Variants in STON2 observed in about 807,000 individuals in gnomAD.
STON2 encodes stonin-2.
Under a neutral mutation model 65.7 loss-of-function variants are expected in STON2, and 29 were observed. The observed-to-expected ratio is 0.44, with a 90% CI of 0.33 to 0.60. The LOEUF is 0.60. Ranked by LOEUF, STON2 falls within the 20% of genes least tolerant of loss-of-function variation. The probability of loss-of-function intolerance (pLI) is 0.03; values close to 1 mark genes in which losing one functional copy is unlikely to be tolerated. For synonymous variants in STON2, 404 were observed against 414.2 expected (o/e 0.98, Z 0.30); for missense variants, 1,054 against 1,118.1 (o/e 0.94, Z 0.82).
In STON2 at chr14:81,417,751, T is replaced by C. The variant is rs77726674; in HGVS notation, c.-199+9351A>G. On this transcript the variant is annotated intron_variant, in intron 2 of 8. Coordinates refer to the STON2 transcript ENST00000553821. ...CAAAGTATGCAGCCAAGGGAATGAA[T>C]AGGTTATCAACAGGGGAAGTAAAAA... 3.6e-3 allele frequency among the ~76,000 whole-genome samples: 546 copies of C among 152,232 alleles called. 3 individuals are homozygous for C. Among genetic ancestry groups the C allele is most frequent in the African/African-American group, 8.3e-3 (343 of 41,540 alleles).
At chr14:81,315,927 C>T (rs1896601728) in intron 5 of STON2, among the ~76,000 whole-genome samples, 1 of 152,160 alleles carries the variant, frequency 6.6e-6, no homozygotes, top group South Asian at 2.1e-4. Flanking sequence ...AAGGTAACAA[C>T]CTATCCAAGA....
intron 4 of STON2, among the ~76,000 whole-genome samples, chr14:81,343,305 G>A (rs918586931): frequency 2.6e-5 from 4 of 152,094 alleles, no homozygotes; most frequent in Non-Finnish European, 5.9e-5. Context: ...AAGTCTCCTG[G>A]GATACATTCT....
At chr14:81,429,328 CA>C (rs1902130253) in intron 1 of STON2, among the ~76,000 whole-genome samples, 1 of 152,242 alleles carries the variant, frequency 6.6e-6, no homozygotes, top group Admixed American at 6.5e-5. Context: ...TGACTTTCAA[CA>C]AGTCATTTGA....
chr14:81,330,445 T>C (rs553548597), intron 4 of STON2, among the ~76,000 whole-genome samples: 55 of 152,286 alleles, frequency 3.6e-4, no homozygotes, highest in Non-Finnish European at 6.2e-4. Flanking sequence ...CTTTTTTTTT[T>C]TCTTAAAATG....
chr14:81,350,625 C>A (rs758051681), intron 4 of STON2, among the ~76,000 whole-genome samples: 1 of 152,040 alleles, frequency 6.6e-6, no homozygotes, highest in Non-Finnish European at 1.5e-5. Context: ...TACTTCTAGG[C>A]CTTGGCTTTC....
At chr14:81,354,097 C>A (rs2140322324) in intron 4 of STON2, among the ~76,000 whole-genome samples, 1 of 152,328 alleles carries the variant, frequency 6.6e-6, no homozygotes, top group Non-Finnish European at 1.5e-5. Context: ...CTCCTGCAAC[C>A]CTGTCTAGCT....
At chr14:81,403,752 T>C (rs981086674), upstream of STON2, among the ~76,000 whole-genome samples, 36 of 152,310 alleles carry the variant, frequency 2.4e-4, no homozygotes, top group African/African-American at 7.9e-4. Context: ...TACCCTTGAA[T>C]AGACTTCTTT....
At position 81,308,645 on chromosome 14, in the gene STON2, C is replaced by A. The variant is rs559954593; in HGVS notation, c.742+15372G>T. Among the ~76,000 whole-genome samples the A allele has an allele frequency of 2.6e-5, 4 of 151,758 alleles. No homozygotes were observed. The East Asian group carries it at 7.8e-4, about 29-fold the overall frequency. On this transcript the variant is annotated intron_variant, in intron 5 of 7. Coordinates refer to ENST00000614646, the MANE Select transcript of STON2 (RefSeq NM_001394390.1). ...ACTCATGCTACAACTCTACGTCCAT[C>A]CCTAATAACCCATGGGCAGGGGAGG...
intron 5 of STON2, among the ~76,000 whole-genome samples, chr14:81,289,311 G>A (rs1895462003): frequency 6.6e-6 from 1 of 152,108 alleles, no homozygotes; most frequent in South Asian, 2.1e-4. Context: ...TGATTCTCAG[G>A]TCCTGGAATT....
Position 81,299,119 on chromosome 14 carries a change from T to C in STON2, c.743-20380A>G, listed in dbSNP as rs564192846. On this transcript the variant is annotated intron_variant, in intron 5 of 7. Transcript: ENST00000614646. ...GCTCAGATCAAGTGACACCAAACTGTATTTGGTACTAGAATCATGGTGGTC... is the reference window on the plus strand; with the variant it reads ...GCTCAGATCAAGTGACACCAAACTGCATTTGGTACTAGAATCATGGTGGTC... 5.9e-5 allele frequency among the ~76,000 whole-genome samples: 9 copies of C among 152,292 alleles called. No individual in the cohort carries two copies. In the East Asian group the frequency reaches 1.7e-3, roughly 29 times the overall value.
chr14:81,409,975 A>G lies in STON2; in HGVS notation c.-198-11395T>C, dbSNP rs1250879169. Among the ~76,000 whole-genome samples the G allele has an allele frequency of 2.6e-5, 4 of 152,226 alleles. No individual in the cohort carries two copies. In the East Asian group the frequency reaches 5.8e-4, roughly 22 times the overall value. On this transcript the variant is annotated intron_variant, in intron 2 of 8. Transcript: ENST00000553821. ...ATATAGTTCTAAAATATAGTTCTAA[A>G]AAGTATTTTTTATCTTTGTTTTGTT...
At chr14:81,291,333 C>A (rs776162610) in intron 5 of STON2, among the ~76,000 whole-genome samples, 7 of 152,140 alleles carry the variant, frequency 4.6e-5, no homozygotes, top group Non-Finnish European at 1.0e-4. Flanking sequence ...CAAAGAAGTA[C>A]AGGAATTCAC....
chr14:81,410,306 A>AAAAAAAC (rs1901093294), intron 2 of STON2, among the ~76,000 whole-genome samples: 1 of 141,856 alleles, frequency 7.0e-6, no homozygotes, highest in Non-Finnish European at 1.5e-5. Context: ...AAAAAAAAAA[A>AAAAAAAC]ACAGAAGAGA....
chr14:81,340,154 AAAAT>A (rs889563946), intron 4 of STON2, among the ~76,000 whole-genome samples: 1 of 152,194 alleles, frequency 6.6e-6, no homozygotes, highest in Non-Finnish European at 1.5e-5. Context: ...ACTCCGTCTC[AAAAT>A]AAATAAATAA....
intron 5 of STON2, among the ~76,000 whole-genome samples, chr14:81,318,513 T>C (rs933009529): frequency 8.5e-5 from 13 of 152,218 alleles, no homozygotes; most frequent in African/African-American, 2.7e-4. Context: ...CTCTTCTCCA[T>C]ATCCATGCCC....
intron 2 of STON2, among the ~76,000 whole-genome samples, chr14:81,405,805 G>A (rs889675388): frequency 6.6e-6 from 1 of 152,148 alleles, no homozygotes; most frequent in African/African-American, 2.4e-5. Flanking sequence ...TTGGACTGAA[G>A]GATGCAAAGT....
In STON2 at chr14:81,264,910, A is replaced by C. The variant is rs1029237061; in HGVS notation, c.*3504T>G. ...CTGACATGTCATGAGTACATTTCTT[A>C]TCTTTTTGCTGTAAAGTCAAAAAGC... On this transcript the variant is annotated 3_prime_UTR_variant, in exon 8 of 8. Transcript: ENST00000614646. 14 of 985,324 alleles carry C rather than the reference A, an allele frequency of 1.4e-5. No individual in the cohort carries two copies. In the African/African-American group the frequency reaches 2.3e-4, roughly 16 times the overall value. 61.0% of individuals were successfully genotyped at this position (985,324 alleles called of 1,614,324 possible).
intron 1 of STON2, among the ~76,000 whole-genome samples, 197 bp from the exon 2 acceptor site, chr14:81,398,777 T>C (rs990359884): frequency 6.6e-6 from 1 of 152,232 alleles, no homozygotes; most frequent in Non-Finnish European, 1.5e-5. Flanking sequence ...GGTTTCTAGA[T>C]AAGCCTTCAT....
rs1456709933 is a variant in STON2, at chr14:81,277,408, T to C, written c.2074A>G (p.Thr692Ala). ...IVLRQDIMPT[T>A]TTKWIKLHEC... ...TGGAGCTTGATCCACTTTGTGGTGG[T>C]GGTGGGCATGATGTCCTGCCTCAAA... The change falls in exon 6 of 8, where the codon ACC (threonine) becomes GCC (alanine). Residue 692 changes from threonine to alanine, a missense_variant. Physicochemically the swap from Thr to Ala is moderately conservative, Grantham distance 58 (BLOSUM62 0). Transcript: ENST00000614646. 1 of 1,614,152 alleles carries C rather than the reference T, an allele frequency of 6.2e-7. No homozygotes were observed. The highest frequency in any genetic ancestry group is 1.7e-5 in the Admixed American group (1 of 60,022).
Sources: allele counts gnomAD v4.1 joint callset (sites outside exome capture counted in the v4.1 genomes callset), GRCh38; gene constraint gnomAD v4.1.1; transcripts MANE v1.5; gene names NCBI Gene and HGNC (gene_info 2026-07-23, HGNC 2026-07-21).